PHACTR3: variants seen among roughly 807,000 people sequenced by gnomAD.
PHACTR3 encodes the protein protein phosphatase 1, regulatory subunit 123.
PHACTR3 carries 16 observed loss-of-function variants against 66.8 expected under a neutral mutation model. The observed-to-expected ratio is 0.24, with a 90% CI of 0.16 to 0.36. The LOEUF is 0.36. Ranked by LOEUF, PHACTR3 falls within the 10% of genes least tolerant of loss-of-function variation. PHACTR3 has a pLI of 1.00. For synonymous variants in PHACTR3, 323 were observed against 292.1 expected, an observed-to-expected ratio of 1.11 and a Z score of -1.08; for missense variants, 647 against 719.9, an observed-to-expected ratio of 0.90 and a Z score of 1.16.
At chr20:59,691,712 G>GT (rs1441133555) in intron 1 of PHACTR3, among the ~76,000 whole-genome samples, 8 of 152,080 alleles carry the variant, frequency 5.3e-5, no homozygotes, top group Non-Finnish European at 1.0e-4. Flanking sequence ...TTTTAGTTGT[G>GT]TAAGAATTAC....
chr20:59,765,253 A>G (rs2040144026), intron 4 of PHACTR3, among the ~76,000 whole-genome samples: 1 of 152,258 alleles, frequency 6.6e-6, no homozygotes. Context: ...GTCTCAAAGC[A>G]TAGGAGTCTT....
chr20:59,844,591 CAAAT>C (rs1455021849), intron 11 of PHACTR3: 1 of 152,050 alleles, frequency 6.6e-6, no homozygotes, highest in Non-Finnish European at 1.5e-5. Context: ...CACAGAAAAA[CAAAT>C]ATCGCATGTT....
Position 59,747,697 on chromosome 20 carries a change from T to C in PHACTR3, c.281-61T>C, listed in dbSNP as rs370233958. On this transcript the variant is annotated intron_variant, in intron 2 of 12. Coordinates refer to ENST00000371015, the MANE Select transcript of PHACTR3 (RefSeq NM_080672.5). ...ACTTGAGCCTGGCATTGGCTGTGGC[T>C]TGGACAGGGCCCAGTGACACCTTTG... The C allele has an allele frequency of 1.1e-4, 167 of 1,579,000 alleles. 1 individual carries two copies. In the African/African-American group the frequency reaches 1.9e-3, roughly 18 times the overall value.
At chr20:59,640,860 A>G (rs1349482834) in intron 1 of PHACTR3, among the ~76,000 whole-genome samples, 1 of 152,184 alleles carries the variant, frequency 6.6e-6, no homozygotes, top group Non-Finnish European at 1.5e-5. Context: ...AAAAGCAAGC[A>G]TTTGGCTTCT....
rs2145465396 is a variant in PHACTR3 at position 59,830,422 on chromosome 20, T to C, written c.1329-6083T>C. 6.6e-6 allele frequency among the ~76,000 whole-genome samples: 1 copy of C among 152,072 alleles called. No homozygotes were observed. The highest frequency in any genetic ancestry group is 1.9e-4 in the East Asian group (1 of 5,158). On this transcript the variant is annotated intron_variant, in intron 8 of 12. Transcript: ENST00000371015. This position sits in a 1 kb window ranked among gnomAD's most constrained non-coding sequence, Gnocchi z 5.8. ...TGATGAAGAGGGTGTGAGTGTCTGA[T>C]GGAGGAATGTGTGGGCATCTGATGG...
At chr20:59,646,120 C>T (rs187478234) in intron 1 of PHACTR3, among the ~76,000 whole-genome samples, 113 of 152,312 alleles carry the variant, frequency 7.4e-4, no homozygotes, top group Non-Finnish European at 1.4e-3. Context: ...CAGCCAGTCC[C>T]TGGGGATGTC....
intron 1 of PHACTR3, among the ~76,000 whole-genome samples, chr20:59,673,002 C>T (rs1383203548): frequency 6.6e-6 from 1 of 152,168 alleles, no homozygotes; most frequent in East Asian, 1.9e-4. Flanking sequence ...GAGGAGTTGC[C>T]TGCAGGTTGG....
chr20:59,657,257 TTGTG>T (rs112043545), intron 1 of PHACTR3, among the ~76,000 whole-genome samples: 17,341 of 150,018 alleles, frequency 0.12, 1,080 homozygotes, highest in East Asian at 0.25. Context: ...TAGAAGTGTG[TTGTG>T]TGTGTGTGTG....
chr20:59,669,883 C>A (rs373636457), intron 1 of PHACTR3, among the ~76,000 whole-genome samples: 10 of 152,302 alleles, frequency 6.6e-5, no homozygotes, highest in Admixed American at 6.5e-4. Flanking sequence ...AATTGAGGGA[C>A]GTTTGTGTTG....
At position 59,591,800 on chromosome 20, in the gene PHACTR3, C is replaced by T. The variant is rs141321718; in HGVS notation, c.109+14183C>T. Among the ~76,000 whole-genome samples the T allele has an allele frequency of 2.6e-3, 401 of 152,156 alleles. 6 individuals are homozygous for T. The highest frequency in any genetic ancestry group is 9.2e-3 in the African/African-American group (383 of 41,502). ...GTGGCTCCCCGCAGCAGGGCCAAGG[C>T]GTCTGTTACTTTATTTTGTGTTGTT... On this transcript the variant is annotated intron_variant, in intron 1 of 12. Transcript: ENST00000359926.
At chr20:59,598,508 T>A (rs1464799969) in intron 1 of PHACTR3, among the ~76,000 whole-genome samples, 1 of 152,144 alleles carries the variant, frequency 6.6e-6, no homozygotes, top group Non-Finnish European at 1.5e-5. Flanking sequence ...GCTAGGCATA[T>A]CTCCAGGAAG....
intron 7 of PHACTR3, among the ~76,000 whole-genome samples, chr20:59,801,870 G>C (rs1337110521): frequency 3.3e-5 from 5 of 152,180 alleles, no homozygotes; most frequent in African/African-American, 1.2e-4. Flanking sequence ...GATAAATGCC[G>C]GTTTTACCTT....
intron 1 of PHACTR3, among the ~76,000 whole-genome samples, chr20:59,647,693 T>C (rs1401799186): frequency 1.3e-5 from 2 of 152,288 alleles, no homozygotes; most frequent in African/African-American, 4.8e-5. Flanking sequence ...TATTATCACA[T>C]ACAGCCACAC....
chr20:59,583,824 G>A (rs1424148945), intron 1 of PHACTR3, among the ~76,000 whole-genome samples: 1 of 152,192 alleles, frequency 6.6e-6, no homozygotes, highest in Non-Finnish European at 1.5e-5. Flanking sequence ...TTTGGAAGCT[G>A]GTGACCTTGT....
At chr20:59,669,424 A>G (rs777519987) in intron 1 of PHACTR3, among the ~76,000 whole-genome samples, 17 of 152,240 alleles carry the variant, frequency 1.1e-4, no homozygotes, top group Non-Finnish European at 1.9e-4. Context: ...ATCCATGGCC[A>G]AGCTGCCTTG....
chr20:59,826,053 G>C (rs1419795132), intron 8 of PHACTR3, among the ~76,000 whole-genome samples: 1 of 152,182 alleles, frequency 6.6e-6, no homozygotes, highest in African/African-American at 2.4e-5. Flanking sequence ...CCAGACTCCA[G>C]AACAGGGAGA....
chr20:59,758,290 T>C (rs2039878440), intron 4 of PHACTR3, among the ~76,000 whole-genome samples: 1 of 151,514 alleles, frequency 6.6e-6, no homozygotes, highest in African/African-American at 2.5e-5. Context: ...GTTTAAACAT[T>C]AATAATGAAA....
rs1250703592 is a variant in PHACTR3 at position 59,736,588 on chromosome 20, C to T, written c.119-6519C>T. Among the ~76,000 whole-genome samples, 2 of 151,874 alleles carry T rather than the reference C, an allele frequency of 1.3e-5. No homozygotes were observed. Among genetic ancestry groups the T allele is most frequent in the Non-Finnish European group, 2.9e-5 (2 of 67,946 alleles). On this transcript the variant is annotated intron_variant, in intron 1 of 12. Transcript: ENST00000371015. The surrounding 1 kb of genome is among the most constrained non-coding windows in gnomAD (Gnocchi z 4.6). Reference sequence around the variant, plus strand: ...CATGCATGCTGGCTCTGCAGTTGCTCACCCACCCACCCTCAGAGATACACA... The same window carrying T: ...CATGCATGCTGGCTCTGCAGTTGCTTACCCACCCACCCTCAGAGATACACA...
chr20:59,797,575 C>G (rs2041288452), intron 7 of PHACTR3, among the ~76,000 whole-genome samples: 1 of 152,112 alleles, frequency 6.6e-6, no homozygotes, highest in African/African-American at 2.4e-5. Context: ...GTAATATAGT[C>G]TCTGTGCAGG....
Sources: gnomAD v4.1 joint callset for allele counts (sites outside exome capture counted in the v4.1 genomes callset) on GRCh38, gnomAD v4.1.1 for gene constraint, Gnocchi (gnomAD v3.1) non-coding constraint, MANE v1.5 for transcripts, NCBI Gene and HGNC (gene_info 2026-07-23, HGNC 2026-07-21) for gene names.